ENAH: variants seen among roughly 807,000 people sequenced by gnomAD.
ENAH encodes protein enabled homolog.
In ENAH, 23 loss-of-function variants were observed where a neutral mutation model predicts 78.7. The ratio of observed to expected loss-of-function variants is 0.29; its 90% confidence interval spans 0.21 to 0.41. ENAH has a LOEUF of 0.41. Ranked by LOEUF, ENAH falls within the 10% of genes least tolerant of loss-of-function variation. The pLI, the probability that ENAH is intolerant of heterozygous loss-of-function variation, is 1.00. For missense variants in ENAH, 544 were observed against 691.0 expected (o/e 0.79, Z 2.39); for synonymous variants, 226 against 241.0 (o/e 0.94, Z 0.58).
chr1:225,637,877 C>A (rs931796082), intron 1 of ENAH, among the ~76,000 whole-genome samples: 1 of 152,058 alleles, frequency 6.6e-6, no homozygotes, highest in East Asian at 1.9e-4. Flanking sequence ...GAGCTATGAT[C>A]GCGCCACTGC....
chr1:225,552,585 T>C (rs533505162), intron 3 of ENAH, among the ~76,000 whole-genome samples: 1 of 152,344 alleles, frequency 6.6e-6, no homozygotes, highest in South Asian at 2.1e-4. Flanking sequence ...AGCCATTCTA[T>C]ATGGTTTTTT....
chr1:225,609,656 A>ATTTTTTTTTTTT, intron 1 of ENAH, among the ~76,000 whole-genome samples: 1 of 76,484 alleles, frequency 1.3e-5, no homozygotes, highest in Non-Finnish European at 2.4e-5. Context: ...GGAAAAATGG[A>ATTTTTTTTTTTT]TTTTTTTTTT....
chr1:225,526,734 A>G (rs535226133), intron 4 of ENAH, among the ~76,000 whole-genome samples: 11 of 152,096 alleles, frequency 7.2e-5, no homozygotes, highest in Non-Finnish European at 1.3e-4. Context: ...ATAACTACCC[A>G]TTTTTATTTC....
At chr1:225,520,781 A>T (rs2096460606) in intron 4 of ENAH, among the ~76,000 whole-genome samples, 1 of 152,104 alleles carries the variant, frequency 6.6e-6, no homozygotes, top group Non-Finnish European at 1.5e-5. Flanking sequence ...GCTTGGGCCT[A>T]GGAGTCTGAG....
upstream of ENAH, among the ~76,000 whole-genome samples, chr1:225,653,705 C>T (rs894036221): frequency 3.3e-5 from 5 of 152,192 alleles, no homozygotes; most frequent in African/African-American, 1.2e-4. This position sits in a 1 kb window ranked among gnomAD's most constrained non-coding sequence, Gnocchi z 4.3. Flanking sequence ...GAGTGCTCAG[C>T]CCGCCCTGTT....
chr1:225,594,197 G>A (rs1256175184), intron 1 of ENAH, among the ~76,000 whole-genome samples: 1 of 152,196 alleles, frequency 6.6e-6, no homozygotes, highest in East Asian at 1.9e-4. Context: ...ATGTGAAAGT[G>A]ACAGGCACAT....
intron 1 of ENAH, among the ~76,000 whole-genome samples, chr1:225,592,254 C>A (rs1023422552): frequency 1.3e-5 from 2 of 152,166 alleles, no homozygotes; most frequent in Non-Finnish European, 2.9e-5. Context: ...AACAAACAAT[C>A]CCAAAGACCC....
At chr1:225,559,122 T>C (rs1400762256) in intron 2 of ENAH, among the ~76,000 whole-genome samples, 1 of 152,200 alleles carries the variant, frequency 6.6e-6, no homozygotes, top group Non-Finnish European at 1.5e-5. Context: ...ATTCTATTAG[T>C]GTTAATATGT....
chr1:225,546,878 C>T (rs1255190424), intron 3 of ENAH, among the ~76,000 whole-genome samples: 1 of 152,200 alleles, frequency 6.6e-6, no homozygotes, highest in Non-Finnish European at 1.5e-5. Flanking sequence ...ACGTACCTTT[C>T]TTTCTAAAAC....
At chr1:225,622,420 T>G (rs1039609924) in intron 1 of ENAH, among the ~76,000 whole-genome samples, 4 of 152,156 alleles carry the variant, frequency 2.6e-5, no homozygotes, top group Non-Finnish European at 5.9e-5. Flanking sequence ...AGACCCCATC[T>G]CTATTTTTTT....
chr1:225,609,750 C>G (rs1418980895), intron 1 of ENAH, among the ~76,000 whole-genome samples: 1 of 146,370 alleles, frequency 6.8e-6, no homozygotes, highest in African/African-American at 2.5e-5. Context: ...CTGCAACATC[C>G]ACCTCTCAGG....
At chr1:225,585,215 C>CAAAAAAAAAAAAAAAA in intron 1 of ENAH, among the ~76,000 whole-genome samples, 1 of 49,918 alleles carries the variant, frequency 2.0e-5, no homozygotes, top group Non-Finnish European at 3.4e-5. Context: ...TACCCTGTCT[C>CAAAAAAAAAAAAAAAA]AAAAAAAAAA....
At position 225,519,406 on chromosome 1, in the gene ENAH, C is replaced by T; in HGVS notation, c.594G>A (p.Arg198=). 6.2e-7 allele frequency: 1 copy of T among 1,614,116 alleles called. No individual in the cohort carries two copies. The highest frequency in any genetic ancestry group is 1.1e-5 in the South Asian group (1 of 91,080). The change falls in exon 5 of 14, where the codon CGG becomes CGA. Residue 198 remains arginine (R), a synonymous_variant. Coordinates refer to ENST00000366843, the MANE Select transcript of ENAH (RefSeq NM_018212.6). The part of the protein sequence containing the change: ...QEQLERERQE[R]ERQERLERQE... ...GCCGCTCCAGGCGTTCCTGCCGTTC[C>T]CGTTCTTGTCTCTCTCTCTCCAGCT...
intron 4 of ENAH, among the ~76,000 whole-genome samples, chr1:225,529,453 G>A (rs2096527020): frequency 6.6e-6 from 1 of 152,100 alleles, no homozygotes; most frequent in African/African-American, 2.4e-5. Context: ...GTAATGGACG[G>A]AAAAATAAAA....
At chr1:225,648,973 C>T (rs1317436487) in intron 1 of ENAH, among the ~76,000 whole-genome samples, 2 of 151,998 alleles carry the variant, frequency 1.3e-5, no homozygotes, top group African/African-American at 4.8e-5. Flanking sequence ...TTTTGACATC[C>T]TTGAGCTAAA....
chr1:225,533,512 AGT>A (rs1373197523), intron 3 of ENAH, among the ~76,000 whole-genome samples: 1 of 152,158 alleles, frequency 6.6e-6, no homozygotes, highest in African/African-American at 2.4e-5. Context: ...TTAAGAAACT[AGT>A]GAACCTGCTT....
At chr1:225,592,573 G>A (rs2096882195) in intron 1 of ENAH, among the ~76,000 whole-genome samples, 1 of 152,118 alleles carries the variant, frequency 6.6e-6, no homozygotes, top group East Asian at 1.9e-4. Flanking sequence ...TACTATATGT[G>A]ACTTAAGGTT....
intron 4 of ENAH, among the ~76,000 whole-genome samples, chr1:225,526,602 G>C (rs1375697533): frequency 6.6e-6 from 1 of 151,646 alleles, no homozygotes; most frequent in African/African-American, 2.4e-5. Context: ...CTCCCAAAGT[G>C]CTGGGATTAT....
At chr1:225,626,960 C>T (rs1365905453) in intron 1 of ENAH, among the ~76,000 whole-genome samples, 26 of 152,100 alleles carry the variant, frequency 1.7e-4, no homozygotes, top group Admixed American at 1.7e-3. Context: ...TATTTCACGA[C>T]ACAAGTACAT....
Sources: gnomAD v4.1 joint callset for allele counts (sites outside exome capture counted in the v4.1 genomes callset) on GRCh38, gnomAD v4.1.1 for gene constraint, Gnocchi (gnomAD v3.1) non-coding constraint, MANE v1.5 for transcripts, NCBI Gene and HGNC (gene_info 2026-07-23, HGNC 2026-07-21) for gene names.